Variants in CDC25C observed in about 807,000 individuals in gnomAD.
The protein encoded by CDC25C is cell division cycle 25C.
A neutral mutation model predicts 52.5 loss-of-function variants in CDC25C; 48 were observed. That is an observed-to-expected ratio of 0.91 (90% CI 0.72 to 1.16). CDC25C has a LOEUF of 1.16. Among genes scored for constraint, CDC25C ranks in the 50% most tolerant of loss-of-function variants. CDC25C has a pLI of 0.00. For missense variants in CDC25C, 510 were observed against 566.1 expected (o/e 0.90, Z 1.01); for synonymous variants, 187 against 206.5 (o/e 0.91, Z 0.81).
At chr5:138,317,699 A>AC (rs1304177977) in intron 7 of CDC25C, among the ~76,000 whole-genome samples, 1 of 150,756 alleles carries the variant, frequency 6.6e-6, no homozygotes, top group African/African-American at 2.4e-5. Context: ...AAAAAAAAAA[A>AC]AAAAAAAACC....
rs148887677 is a variant in CDC25C, at chr5:138,292,094, C to G, written c.638G>C (p.Arg213Pro). The change falls in exon 8 of 14, where the codon CGC (arginine) becomes CCC (proline). Residue 213 changes from arginine to proline, a missense_variant. Coordinates refer to ENST00000323760, the MANE Select transcript of CDC25C (RefSeq NM_001790.5). ...EAKVSRSGLY[R>P]SPSMPENLNR... ...CAAGTTCTCTGGCATCGACGGGGAG[C>G]GATATAGGCCACTTCTGCTCACCTG... The G allele has an allele frequency of 3.0e-5, 48 of 1,612,550 alleles. No homozygotes were observed. The African/African-American group carries it at 5.7e-4, about 19-fold the overall frequency.
chr5:138,305,586 C>T (rs1177937647), intron 7 of CDC25C, among the ~76,000 whole-genome samples: 2 of 151,944 alleles, frequency 1.3e-5, no homozygotes, highest in South Asian at 2.1e-4. Flanking sequence ...TTTTTTGTAG[C>T]GATGGGGGCT....
At chr5:138,313,508 T>A in intron 7 of CDC25C, among the ~76,000 whole-genome samples, 1 of 152,030 alleles carries the variant, frequency 6.6e-6, no homozygotes, top group Admixed American at 6.6e-5. Flanking sequence ...TTAAAAATGA[T>A]TAAAATTGTA....
At chr5:138,299,340 A>G (rs1757461288) in intron 7 of CDC25C, among the ~76,000 whole-genome samples, 1 of 151,530 alleles carries the variant, frequency 6.6e-6, no homozygotes, top group Non-Finnish European at 1.5e-5. Context: ...TACTAAAAAT[A>G]CAAAAATTAG....
intron 7 of CDC25C, among the ~76,000 whole-genome samples, chr5:138,312,110 A>G (rs530385690): frequency 8.5e-5 from 13 of 152,314 alleles, no homozygotes; most frequent in African/African-American, 3.1e-4. Context: ...GGAATGTAAA[A>G]TGAACAGTTG....
intron 6 of CDC25C, 23 bp downstream of exon 6, chr5:138,325,792 C>CT (rs1469028531): frequency 6.5e-7 from 1 of 1,542,744 alleles, no homozygotes; most frequent in Non-Finnish European, 9.0e-7. Context: ...GCCAATATAT[C>CT]TAGGTTTCCA....
intron 6 of CDC25C, among the ~76,000 whole-genome samples, chr5:138,323,260 A>G (rs1178034746): frequency 6.6e-6 from 1 of 151,864 alleles, no homozygotes; most frequent in Non-Finnish European, 1.5e-5. Flanking sequence ...AAAATAAACT[A>G]TTTTACCATG....
intron 7 of CDC25C, among the ~76,000 whole-genome samples, chr5:138,302,026 G>A (rs1357284824): frequency 6.7e-6 from 1 of 148,582 alleles, no homozygotes; most frequent in Non-Finnish European, 1.5e-5. Flanking sequence ...ACAGAGTCTC[G>A]CTCTGTCTCC....
intron 1 of CDC25C, 104 bp from the exon 2 acceptor site, chr5:138,331,322 A>G: frequency 2.4e-6 from 2 of 821,618 alleles, no homozygotes; most frequent in Non-Finnish European, 1.9e-6. Context: ...AAGAGGGGCA[A>G]CCCCGAAGGG....
At chr5:138,328,784 T>C (rs1760097463) in intron 3 of CDC25C, 1 of 315,762 alleles carries the variant, frequency 3.2e-6, no homozygotes, top group Non-Finnish European at 5.8e-6. Context: ...GTTTTTTTTT[T>C]TCTTATGGGT....
chr5:138,294,949 T>C (rs1757062172), intron 7 of CDC25C, among the ~76,000 whole-genome samples: 1 of 152,230 alleles, frequency 6.6e-6, no homozygotes, highest in Admixed American at 6.5e-5. Flanking sequence ...GTGCCAGGCC[T>C]TTCTTCAGAT....
intron 7 of CDC25C, among the ~76,000 whole-genome samples, chr5:138,297,598 T>C (rs937988513): frequency 6.6e-6 from 1 of 152,244 alleles, no homozygotes; most frequent in Non-Finnish European, 1.5e-5. Context: ...TCTAAGCTAA[T>C]GATTTCCAAA....
At chr5:138,288,675 A>G (rs2126646746) in intron 10 of CDC25C, among the ~76,000 whole-genome samples, 1 of 152,276 alleles carries the variant, frequency 6.6e-6, no homozygotes, top group Non-Finnish European at 1.5e-5. Flanking sequence ...CTGGGCAACA[A>G]GAGCGAAACT....
chr5:138,316,483 C>T (rs1190922475), intron 7 of CDC25C, among the ~76,000 whole-genome samples: 1 of 152,120 alleles, frequency 6.6e-6, no homozygotes, highest in African/African-American at 2.4e-5. Flanking sequence ...AGACAGGCTC[C>T]TGGGTAGAAG....
At chr5:138,303,426 A>G (rs1056862626) in intron 7 of CDC25C, among the ~76,000 whole-genome samples, 1 of 152,162 alleles carries the variant, frequency 6.6e-6, no homozygotes, top group Non-Finnish European at 1.5e-5. Context: ...ACAAGGCCCT[A>G]CACGATCTGT....
intron 7 of CDC25C, among the ~76,000 whole-genome samples, chr5:138,306,094 G>C (rs1757984090): frequency 1.3e-5 from 2 of 152,166 alleles, no homozygotes; most frequent in Admixed American, 6.5e-5. Context: ...AATGTTCCTG[G>C]AATAGTATTT....
intron 7 of CDC25C, among the ~76,000 whole-genome samples, chr5:138,292,348 C>A (rs191389695): frequency 1.2e-3 from 184 of 152,118 alleles, no homozygotes; most frequent in Non-Finnish European, 2.4e-3. Flanking sequence ...TATCTTTCTA[C>A]CTGGACTGCA....
chr5:138,337,774 A>G (rs1760813208), intron 1 of CDC25C: 1 of 379,738 alleles, frequency 2.6e-6, no homozygotes, highest in South Asian at 2.1e-5. Flanking sequence ...AGCAGCCTTC[A>G]CGCCGCGGAC....
chr5:138,297,268 C>T (rs558050605), intron 7 of CDC25C, among the ~76,000 whole-genome samples: 1 of 152,094 alleles, frequency 6.6e-6, no homozygotes, highest in African/African-American at 2.4e-5. Context: ...ACTGTGTTGG[C>T]CACACTGGTC....
Sources: allele counts gnomAD v4.1 joint callset (sites outside exome capture counted in the v4.1 genomes callset), GRCh38; gene constraint gnomAD v4.1.1; transcripts MANE v1.5; gene names NCBI Gene and HGNC (gene_info 2026-07-23, HGNC 2026-07-21).